JAKMIP2: variants seen among roughly 807,000 people sequenced by gnomAD.
JAKMIP2 encodes the protein janus kinase and microtubule interacting protein 2, also known as janus kinase and microtubule-interacting protein 2.
JAKMIP2 carries 25 observed loss-of-function variants against 115.0 expected under a neutral mutation model. The ratio of observed to expected loss-of-function variants is 0.22; its 90% CI spans 0.16 to 0.30. JAKMIP2 has a LOEUF of 0.30. Among genes scored for constraint, JAKMIP2 ranks in the 10% least tolerant of loss-of-function variants. The probability of loss-of-function intolerance (pLI) is 1.00; values close to 1 mark genes in which losing one functional copy is unlikely to be tolerated. For missense variants in JAKMIP2, 642 were observed against 957.6 expected, an observed-to-expected ratio of 0.67 and a Z score of 4.35; for synonymous variants, 334 against 343.6, an observed-to-expected ratio of 0.97 and a Z score of 0.31.
At chr5:147,654,516 T>C (rs963670751) in intron 3 of JAKMIP2, among the ~76,000 whole-genome samples, 1 of 152,112 alleles carries the variant, frequency 6.6e-6, no homozygotes, top group African/African-American at 2.4e-5. Flanking sequence ...TCTCTGCTTG[T>C]CTATTGTTGG....
chr5:147,610,922 C>T (rs1278388306), intron 20 of JAKMIP2, among the ~76,000 whole-genome samples: 1 of 152,212 alleles, frequency 6.6e-6, no homozygotes, highest in Non-Finnish European at 1.5e-5. Flanking sequence ...GCTACAGCAG[C>T]TTTGTGGCCC....
intron 1 of JAKMIP2, among the ~76,000 whole-genome samples, chr5:147,694,854 T>A (rs927857595): frequency 4.6e-5 from 7 of 152,204 alleles, no homozygotes; most frequent in African/African-American, 1.7e-4. Flanking sequence ...AGAAATTAAA[T>A]TTTAAGTCTG....
chr5:147,760,404 GAAA>G (rs71001455), intron 1 of JAKMIP2, among the ~76,000 whole-genome samples: 17 of 135,782 alleles, frequency 1.3e-4, no homozygotes, highest in Admixed American at 2.2e-4. Context: ...GGCAGTCAGT[GAAA>G]AAAAAAAAAA....
chr5:147,623,533 G>A, intron 17 of JAKMIP2, 88 bp downstream of exon 17: 1 of 759,294 alleles, frequency 1.3e-6, no homozygotes, highest in Non-Finnish European at 2.3e-6. Flanking sequence ...TTTCATCAGT[G>A]CCAGATAAAA....
intron 16 of JAKMIP2, among the ~76,000 whole-genome samples, chr5:147,625,475 G>T (rs1364154234): frequency 6.6e-6 from 1 of 152,106 alleles, no homozygotes; most frequent in Non-Finnish European, 1.5e-5. Context: ...GTTTCCCCTT[G>T]AAACAAATTT....
intron 12 of JAKMIP2, among the ~76,000 whole-genome samples, chr5:147,635,866 A>G (rs980899377): frequency 1.3e-5 from 2 of 152,154 alleles, no homozygotes; most frequent in African/African-American, 4.8e-5. Context: ...TGGCCCTCAT[A>G]GAGGTTTTGT....
chr5:147,692,674 AAATG>A (rs1452139827), intron 1 of JAKMIP2, among the ~76,000 whole-genome samples: 4 of 152,210 alleles, frequency 2.6e-5, no homozygotes, highest in Non-Finnish European at 5.9e-5. Context: ...GAAAGAGAGT[AAATG>A]AATGAATGGA....
Position 147,671,691 on chromosome 5 carries a change from T to G in JAKMIP2, c.116A>C (p.Gln39Pro). 6.6e-7 allele frequency: 1 copy of G among 1,506,756 alleles called. No homozygotes were observed. Among genetic ancestry groups the G allele is most frequent in the Non-Finnish European group, 8.9e-7 (1 of 1,122,510 alleles). 93.3% of individuals were successfully genotyped at this position (1,506,756 alleles called of 1,614,324 possible). The change falls in exon 2 of 22, where the codon CAA becomes CCA. Residue 39 changes from glutamine to proline, a missense_variant. By Grantham distance (76) the Gln-to-Pro change is moderately conservative (BLOSUM62 -1). Around this residue, in one of 6 missense-constraint regions of JAKMIP2, gnomAD observed 439 missense variants for 570.9 expected, o/e 0.77. Coordinates refer to ENST00000616793, the MANE Select transcript of JAKMIP2 (RefSeq NM_001270941.2). Reference sequence around the variant, plus strand: ...GCCCTCGCTCACCTTGGACTTCTCTTGATGCAGCTCTATCTGAATGTCTGT... The same window carrying G: ...GCCCTCGCTCACCTTGGACTTCTCTGGATGCAGCTCTATCTGAATGTCTGT... ...KLTDIQIELH[Q>P]EKSKVSKLER...
At chr5:147,655,926 G>A (rs1054455693) in intron 3 of JAKMIP2, among the ~76,000 whole-genome samples, 1 of 152,094 alleles carries the variant, frequency 6.6e-6, no homozygotes, top group Non-Finnish European at 1.5e-5. Context: ...AGAACTTCTT[G>A]ATTTCTGCCT....
chr5:147,776,388 C>A (rs1755557232), intron 1 of JAKMIP2, among the ~76,000 whole-genome samples: 2 of 152,144 alleles, frequency 1.3e-5, no homozygotes, highest in Non-Finnish European at 2.9e-5. Context: ...AGCTCTCATT[C>A]TTTTCCCTCC....
chr5:147,777,321 G>C (rs1478942932), intron 1 of JAKMIP2, among the ~76,000 whole-genome samples: 1 of 152,154 alleles, frequency 6.6e-6, no homozygotes, highest in Non-Finnish European at 1.5e-5. Flanking sequence ...GGGAAAAACA[G>C]CTTGAATCGT....
chr5:147,602,050 T>C (rs929880324), intron 20 of JAKMIP2, among the ~76,000 whole-genome samples: 1 of 152,284 alleles, frequency 6.6e-6, no homozygotes, highest in African/African-American at 2.4e-5. Flanking sequence ...ACAATTGGTC[T>C]AAGCTCCTAA....
chr5:147,671,827 C>A lies in JAKMIP2; in HGVS notation c.-21G>T, dbSNP rs771770545. On this transcript the variant is annotated 5_prime_UTR_variant, in exon 2 of 22. Transcript: ENST00000616793. ...GACATTGTTCCTTTCTAAATGGAGT[C>A]TGTTGGTTTTTAATTTCTTTCAAGC... The A allele has an allele frequency of 2.0e-6, 3 of 1,531,534 alleles. No individual in the cohort carries two copies. The highest frequency in any genetic ancestry group is 4.8e-5 in the East Asian group (2 of 41,382). 94.9% of individuals were successfully genotyped at this position (1,531,534 alleles called of 1,614,324 possible).
intron 2 of JAKMIP2, among the ~76,000 whole-genome samples, chr5:147,668,779 G>A (rs1759435243): frequency 1.3e-5 from 2 of 152,158 alleles, no homozygotes; most frequent in Admixed American, 1.3e-4. Flanking sequence ...GATGAAGAAG[G>A]AAAAACACAG....
chr5:147,730,984 T>C (rs1753711580), intron 1 of JAKMIP2, among the ~76,000 whole-genome samples: 1 of 150,894 alleles, frequency 6.6e-6, no homozygotes, highest in South Asian at 2.1e-4. Context: ...AATAAAGGAT[T>C]TTTTTTTTAA....
chr5:147,765,082 A>T (rs1755108940), intron 1 of JAKMIP2, among the ~76,000 whole-genome samples: 1 of 151,120 alleles, frequency 6.6e-6, no homozygotes, highest in South Asian at 2.1e-4. Context: ...AAAGAAAGAA[A>T]GAAAAAAGCA....
chr5:147,669,329 C>A (rs894670298), intron 2 of JAKMIP2, among the ~76,000 whole-genome samples: 2 of 152,140 alleles, frequency 1.3e-5, no homozygotes, highest in African/African-American at 4.8e-5. Flanking sequence ...CAGGGGCAGC[C>A]AGCAGAGAAA....
intron 1 of JAKMIP2, among the ~76,000 whole-genome samples, chr5:147,768,050 C>T (rs558090029): frequency 6.6e-6 from 1 of 152,220 alleles, no homozygotes; most frequent in Non-Finnish European, 1.5e-5. Flanking sequence ...TAAGGCAAGA[C>T]AGGTTACAAA....
At chr5:147,642,708 G>A (rs115648689) in intron 7 of JAKMIP2, among the ~76,000 whole-genome samples, 1,867 of 151,610 alleles carry the variant, frequency 0.012, 46 homozygotes, top group African/African-American at 0.044. Flanking sequence ...CTCTATATAT[G>A]AGACTTTTAC....
Sources: allele counts gnomAD v4.1 joint callset (sites outside exome capture counted in the v4.1 genomes callset), GRCh38; gene constraint gnomAD v4.1.1; regional missense constraint gnomAD v4.1.1; transcripts MANE v1.5; gene names NCBI Gene and HGNC (gene_info 2026-07-23, HGNC 2026-07-21).